PTBP3: variants seen among roughly 807,000 people sequenced by gnomAD.
The protein encoded by PTBP3 is polypyrimidine tract-binding protein 3.
PTBP3 carries 20 observed loss-of-function variants against 58.7 expected under a neutral mutation model. The ratio of observed to expected loss-of-function variants is 0.34; its 90% CI spans 0.24 to 0.50. PTBP3 has a LOEUF of 0.50. Ranked by LOEUF, PTBP3 falls within the 20% of genes least tolerant of loss-of-function variation. The pLI is 0.98. For synonymous variants in PTBP3, 185 were observed against 219.8 expected (o/e 0.84, Z 1.40); for missense variants, 509 against 637.2 (o/e 0.80, Z 2.17).
chr9:112,293,721 T>C (rs1170472201), intron 2 of PTBP3, among the ~76,000 whole-genome samples: 1 of 152,228 alleles, frequency 6.6e-6, no homozygotes, highest in African/African-American at 2.4e-5. Context: ...CTCATCATTA[T>C]GGCCCAAGAT....
At chr9:112,314,274 C>T (rs923053460) in intron 1 of PTBP3, among the ~76,000 whole-genome samples, 1 of 152,106 alleles carries the variant, frequency 6.6e-6, no homozygotes, top group Non-Finnish European at 1.5e-5. Context: ...AAGTACACTT[C>T]AAGATAGGAA....
intron 7 of PTBP3, 50 bp from the exon 8 acceptor site, chr9:112,234,947 G>T: frequency 6.8e-7 from 1 of 1,463,102 alleles, no homozygotes; most frequent in Non-Finnish European, 9.5e-7. Flanking sequence ...TATAAATATC[G>T]TTATCAAAGC....
chr9:112,300,066 C>T (rs1013032723), intron 1 of PTBP3, among the ~76,000 whole-genome samples: 1 of 152,118 alleles, frequency 6.6e-6, no homozygotes, highest in African/African-American at 2.4e-5. Context: ...CAATGAAATA[C>T]TGTAAAATTA....
intron 1 of PTBP3, among the ~76,000 whole-genome samples, chr9:112,300,387 G>A (rs999298091): frequency 1.6e-4 from 24 of 152,350 alleles, no homozygotes; most frequent in East Asian, 5.8e-4. Context: ...GTTTGTAAAT[G>A]CATGCAATGA....
intron 4 of PTBP3, among the ~76,000 whole-genome samples, chr9:112,266,017 T>C (rs1246687385): frequency 6.6e-6 from 1 of 152,200 alleles, no homozygotes; most frequent in Non-Finnish European, 1.5e-5. Flanking sequence ...GAAAAGATTG[T>C]ATTATGACAT....
In PTBP3 at chr9:112,221,386, C is replaced by T. The variant is rs1430450329; in HGVS notation, c.*2465G>A. On this transcript the variant is annotated 3_prime_UTR_variant, in exon 14 of 14. Transcript: ENST00000374257. ...CCCTACTTCAAAGTTACATTCAACA[C>T]CACTATGATCCCCTTCCGTTATTAG... 1 of 985,698 alleles carries T rather than the reference C, an allele frequency of 1.0e-6. No individual in the cohort carries two copies. Among genetic ancestry groups the T allele is most frequent in the Non-Finnish European group, 1.2e-6 (1 of 829,930 alleles). 61.1% of individuals were successfully genotyped at this position (985,698 alleles called of 1,614,324 possible).
chr9:112,221,344 A>T lies in PTBP3; in HGVS notation c.*2507T>A, dbSNP rs1483712413. On this transcript the variant is annotated 3_prime_UTR_variant, in exon 14 of 14. Coordinates refer to ENST00000374257, the MANE Select transcript of PTBP3 (RefSeq NM_001163788.4). ...GAAAAGGATTCAAATGTTCTCTCTC[A>T]GACTTAAAAGGCCATTCCCTACTTC... 1.0e-6 allele frequency: 1 copy of T among 985,726 alleles called. No homozygotes were observed. Among genetic ancestry groups the T allele is most frequent in the Admixed American group, 6.2e-5 (1 of 16,258 alleles). The allele number at this position is 985,726 out of a possible 1,614,324, so 61.1% of individuals were successfully genotyped here. A position where few individuals can be genotyped will look rare whatever the true frequency, so the allele number is the denominator to read the frequency against.
the PTBP3 span, among the ~76,000 whole-genome samples, chr9:112,370,982 A>AGT: frequency 6.6e-6 from 1 of 152,124 alleles, no homozygotes; most frequent in Admixed American, 6.5e-5. Context: ...CTACAACCTT[A>AGT]GTAAATTCAT....
chr9:112,240,592 A>ACATAC (rs1589811223), intron 7 of PTBP3, among the ~76,000 whole-genome samples: 1 of 151,468 alleles, frequency 6.6e-6, no homozygotes, highest in East Asian at 1.9e-4. Context: ...TACTTTTATT[A>ACATAC]TATAGTATAT....
chr9:112,368,886 T>C, the PTBP3 span, among the ~76,000 whole-genome samples: 1 of 152,206 alleles, frequency 6.6e-6, no homozygotes, highest in Admixed American at 6.5e-5. Flanking sequence ...AATGGTTTCA[T>C]GGGCCAGGGC....
At chr9:112,357,370 G>A in the PTBP3 span, among the ~76,000 whole-genome samples, 1 of 151,936 alleles carries the variant, frequency 6.6e-6, no homozygotes, top group African/African-American at 2.4e-5. Context: ...TGTTTTTTCT[G>A]AGCAGGGTCT....
chr9:112,306,064 G>A (rs933968848), intron 1 of PTBP3, among the ~76,000 whole-genome samples: 1 of 152,224 alleles, frequency 6.6e-6, no homozygotes, highest in Non-Finnish European at 1.5e-5. Context: ...GGTGTCAGAT[G>A]TAAGGGCAGT....
At chr9:112,261,462 T>G (rs1836591848) in intron 5 of PTBP3, among the ~76,000 whole-genome samples, 1 of 152,094 alleles carries the variant, frequency 6.6e-6, no homozygotes, top group South Asian at 2.1e-4. Flanking sequence ...GAGCCTAGAG[T>G]AAGATGTATT....
At chr9:112,378,420 T>C in the PTBP3 span, among the ~76,000 whole-genome samples, 2,471 of 152,276 alleles carry the variant, frequency 0.016, 40 homozygotes, top group Non-Finnish European at 0.023. Context: ...TCTCTTTCCG[T>C]AACAAATGGA....
chr9:112,293,793 A>C (rs1228226500), intron 2 of PTBP3, among the ~76,000 whole-genome samples: 1 of 152,178 alleles, frequency 6.6e-6, no homozygotes, highest in African/African-American at 2.4e-5. Context: ...ATGGAAAGAG[A>C]GTACTATTTT....
chr9:112,256,382 G>T (rs2132102876), intron 5 of PTBP3, among the ~76,000 whole-genome samples: 1 of 150,262 alleles, frequency 6.7e-6, no homozygotes, highest in East Asian at 1.9e-4. Context: ...TCATTAGACT[G>T]AAGGCTCCTT....
chr9:112,235,606 T>G (rs1315003076), intron 7 of PTBP3, among the ~76,000 whole-genome samples: 1 of 152,128 alleles, frequency 6.6e-6, no homozygotes, highest in African/African-American at 2.4e-5. Context: ...ACATCAAATT[T>G]AAGATGATGA....
At chr9:112,326,993 GA>G (rs1830183410) in intron 1 of PTBP3, among the ~76,000 whole-genome samples, 1 of 152,106 alleles carries the variant, frequency 6.6e-6, no homozygotes, top group South Asian at 2.1e-4. Context: ...TGAGGCAGGA[GA>G]ATCACTTGAG....
At chr9:112,242,271 A>C (rs1835689178) in intron 7 of PTBP3, among the ~76,000 whole-genome samples, 1 of 152,176 alleles carries the variant, frequency 6.6e-6, no homozygotes, top group African/African-American at 2.4e-5. Flanking sequence ...CAGGAACTAC[A>C]GGTGTGCTGG....
Sources: allele counts gnomAD v4.1 joint callset (sites outside exome capture counted in the v4.1 genomes callset), GRCh38; gene constraint gnomAD v4.1.1; transcripts MANE v1.5; gene names NCBI Gene and HGNC (gene_info 2026-07-23, HGNC 2026-07-21).